Variants in WWOX observed in about 807,000 individuals in gnomAD.
The protein encoded by WWOX is WW domain-containing oxidoreductase.
WWOX carries 69 observed loss-of-function variants against 46.2 expected under a neutral mutation model. That is an observed-to-expected ratio of 1.49 (90% CI 1.23 to 1.82). The LOEUF (loss-of-function observed/expected upper bound fraction) is 1.82, where lower values mean the gene tolerates loss of function less well. Among genes scored for constraint, WWOX ranks in the 40% most tolerant of loss-of-function variants. WWOX has a pLI of 0.00. For synonymous variants in WWOX, 359 were observed against 202.6 expected, an observed-to-expected ratio of 1.77 and a Z score of -6.56; for missense variants, 919 against 542.6, an observed-to-expected ratio of 1.69 and a Z score of -6.89.
chr16:78,383,176 A>T (rs143774231), intron 5 of WWOX, among the ~76,000 whole-genome samples: 322 of 151,966 alleles, frequency 2.1e-3, no homozygotes, highest in Middle Eastern at 6.8e-3. Context: ...ACAATTTAAT[A>T]TGAGATTTGG....
At chr16:78,419,625 CA>C (rs60762734) in intron 6 of WWOX, among the ~76,000 whole-genome samples, 3,866 of 44,660 alleles carry the variant, frequency 0.087, 83 homozygotes, top group African/African-American at 0.2. Context: ...CAAAAAATAG[CA>C]AAAAAAAAAA....
intron 8 of WWOX, among the ~76,000 whole-genome samples, chr16:78,936,962 T>C (rs1240154909): frequency 6.6e-6 from 1 of 152,198 alleles, no homozygotes; most frequent in Non-Finnish European, 1.5e-5. Flanking sequence ...TTAAAGCATA[T>C]TAATCCATTA....
At chr16:78,510,375 T>G (rs1213743872) in intron 8 of WWOX, among the ~76,000 whole-genome samples, 1 of 152,086 alleles carries the variant, frequency 6.6e-6, no homozygotes. Flanking sequence ...ACAGCTAATT[T>G]TTGTATTTTT....
chr16:78,554,890 C>G (rs1262719194), intron 8 of WWOX, among the ~76,000 whole-genome samples: 3 of 152,138 alleles, frequency 2.0e-5, no homozygotes, highest in Admixed American at 6.5e-5. Flanking sequence ...ACAATCCATT[C>G]CTTTCACAAA....
chr16:78,901,091 G>A (rs977110515), intron 8 of WWOX, among the ~76,000 whole-genome samples: 14 of 152,112 alleles, frequency 9.2e-5, no homozygotes, highest in South Asian at 2.1e-4. Context: ...TAGAAGTTCC[G>A]GTTCTCCCAG....
intron 8 of WWOX, among the ~76,000 whole-genome samples, chr16:78,522,174 A>C (rs1376240114): frequency 2.6e-5 from 4 of 151,148 alleles, no homozygotes; most frequent in Non-Finnish European, 5.9e-5. Flanking sequence ...TCAGAAGCTG[A>C]TTTGAGATTT....
In WWOX at chr16:79,025,906, C is replaced by A. The variant is rs542298382; in HGVS notation, c.1057-185702C>A. On this transcript the variant is annotated intron_variant, in intron 8 of 8. Coordinates refer to ENST00000566780, the MANE Select transcript of WWOX (RefSeq NM_016373.4). ...CTCCGCCTCCTGGGTTCAAGTGATT[C>A]TCCTGCCTCACCCTCCCGAGTAGCT... 1.3e-4 allele frequency among the ~76,000 whole-genome samples: 18 copies of A among 143,704 alleles called. No individual in the cohort carries two copies. In the South Asian group the frequency reaches 3.9e-3, roughly 31 times the overall value. The allele number at this position is 143,704 out of a possible 152,430, so 94.3% of individuals were successfully genotyped here. A position where few individuals can be genotyped will look rare whatever the true frequency, so the allele number is the denominator to read the frequency against.
intron 8 of WWOX, among the ~76,000 whole-genome samples, chr16:78,593,567 A>G (rs1226369806): frequency 1.3e-5 from 2 of 152,178 alleles, no homozygotes; most frequent in Non-Finnish European, 2.9e-5. Context: ...GAATGAGCAT[A>G]TATCAAACCA....
chr16:78,103,354 C>T (rs1237926564), intron 1 of WWOX, among the ~76,000 whole-genome samples: 1 of 151,542 alleles, frequency 6.6e-6, no homozygotes, highest in Non-Finnish European at 1.5e-5. Context: ...ACTTGCTGCA[C>T]TTGTCAACCC....
intron 8 of WWOX, among the ~76,000 whole-genome samples, chr16:79,144,407 C>T (rs975279663): frequency 2.0e-5 from 3 of 152,202 alleles, no homozygotes; most frequent in Non-Finnish European, 4.4e-5. Flanking sequence ...CAGGTGATAG[C>T]TGCTGCTTAT....
At chr16:78,624,922 C>T (rs2046277051) in intron 8 of WWOX, among the ~76,000 whole-genome samples, 1 of 152,160 alleles carries the variant, frequency 6.6e-6, no homozygotes, top group Non-Finnish European at 1.5e-5. Flanking sequence ...ACACACAAAA[C>T]CCTGTTCATT....
chr16:78,689,833 A>T (rs1263082708), intron 8 of WWOX, among the ~76,000 whole-genome samples: 1 of 151,982 alleles, frequency 6.6e-6, no homozygotes, highest in African/African-American at 2.4e-5. Context: ...CATTTTAACA[A>T]ATGTCAAGGT....
At chr16:78,622,052 A>G (rs1191287364) in intron 8 of WWOX, among the ~76,000 whole-genome samples, 2 of 152,158 alleles carry the variant, frequency 1.3e-5, no homozygotes, top group Non-Finnish European at 2.9e-5. Context: ...TTAGCTGCTG[A>G]AGTTTAACTG....
Position 78,702,100 on chromosome 16 carries a change from T to TTATATATATA in WWOX, c.1056+269362_1056+269371dup, listed in dbSNP as rs72067397. Among the ~76,000 whole-genome samples, 114 of 81,228 alleles carry TTATATATATA rather than the reference T, an allele frequency of 1.4e-3. 4 individuals carry two copies. Among genetic ancestry groups the TTATATATATA allele is most frequent in the African/African-American group, 6.9e-3 (101 of 14,616 alleles). 53.3% of individuals were successfully genotyped at this position (81,228 alleles called of 152,430 possible). Reference sequence around the variant, plus strand: ...AAGTTTTATATTTATATCTATAAAGTTATATATATATATATATATATATTT... The same window carrying TTATATATATA: ...AAGTTTTATATTTATATCTATAAAGTTATATATATATATATATATATATATATATATATTT... On this transcript the variant is annotated intron_variant, in intron 8 of 8. Coordinates refer to ENST00000566780, the MANE Select transcript of WWOX (RefSeq NM_016373.4).
At chr16:79,206,702 T>C (rs985408805) in intron 8 of WWOX, 4 of 152,178 alleles carry the variant, frequency 2.6e-5, no homozygotes, top group Non-Finnish European at 5.9e-5. Flanking sequence ...TGGTGGAAGT[T>C]GGTGTGTTCG....
In WWOX at chr16:79,205,574, C is replaced by T. The variant is rs146597624; in HGVS notation, c.1057-6034C>T. 115 of 152,290 alleles carry T rather than the reference C, an allele frequency of 7.6e-4. 1 individual carries two copies. Among genetic ancestry groups the T allele is most frequent in the African/African-American group, 2.7e-3 (111 of 41,556 alleles). 9.4% of individuals were successfully genotyped at this position (152,290 alleles called of 1,614,324 possible). On this transcript the variant is annotated intron_variant, in intron 8 of 8. Coordinates refer to ENST00000566780, the MANE Select transcript of WWOX (RefSeq NM_016373.4). ...AAGCCTGAAAACAAATATTTGCTTT[C>T]CTGATCATCTTCATTGTTTCTTTTT...
Position 78,611,988 on chromosome 16 carries a change from G to T in WWOX, c.1056+179236G>T, listed in dbSNP as rs565464725. 3.3e-5 allele frequency among the ~76,000 whole-genome samples: 5 copies of T among 152,330 alleles called. No individual in the cohort carries two copies. The East Asian group carries it at 9.7e-4, about 29-fold the overall frequency. ...CCATACAGCCTAGCCCACAGATGGG[G>T]TCAAGAAGATTCAATAGGCATTGGC... is the stretch of plus-strand genomic sequence containing the variant. On this transcript the variant is annotated intron_variant, in intron 8 of 8. Coordinates refer to ENST00000566780, the MANE Select transcript of WWOX (RefSeq NM_016373.4).
chr16:79,155,088 A>G (rs543885455), intron 8 of WWOX, among the ~76,000 whole-genome samples: 1 of 152,326 alleles, frequency 6.6e-6, no homozygotes, highest in Non-Finnish European at 1.5e-5. Flanking sequence ...CTTTTGCTTA[A>G]GAAGGCAAGC....
intron 1 of WWOX, 136 bp downstream of exon 1, chr16:78,100,021 G>C (rs2031651847): frequency 6.8e-7 from 1 of 1,469,890 alleles, no homozygotes; most frequent in Non-Finnish European, 9.0e-7. Context: ...GGAGCTTCAG[G>C]GAAAAGGGTC....
Sources: allele counts gnomAD v4.1 joint callset (sites outside exome capture counted in the v4.1 genomes callset), GRCh38; gene constraint gnomAD v4.1.1; transcripts MANE v1.5; gene names NCBI Gene and HGNC (gene_info 2026-07-23, HGNC 2026-07-21).